Variants in DNAH6 observed in about 807,000 individuals in gnomAD.
DNAH6 encodes axonemal beta dynein heavy chain 6.
Under a neutral mutation model 491.4 loss-of-function variants are expected in DNAH6, and 340 were observed. That is an observed-to-expected ratio of 0.69 (90% CI 0.63 to 0.76). The LOEUF (loss-of-function observed/expected upper bound fraction) is 0.76, where lower values mean the gene tolerates loss of function less well. Ranked by LOEUF, DNAH6 falls within the 30% of genes least tolerant of loss-of-function variation. The pLI, the probability that DNAH6 is intolerant of heterozygous loss-of-function variation, is 0.00. For synonymous variants in DNAH6, 1,603 were observed against 1,686.1 expected (o/e 0.95, Z 1.21); for missense variants, 4,443 against 4,972.2 (o/e 0.89, Z 3.20).
intron 37 of DNAH6, among the ~76,000 whole-genome samples, chr2:84,665,611 G>A (rs1206757087): frequency 1.3e-5 from 2 of 152,062 alleles, no homozygotes; most frequent in Non-Finnish European, 2.9e-5. Context: ...ATAATTAATA[G>A]CCTACCAACG....
the DNAH6 span, among the ~76,000 whole-genome samples, chr2:84,492,049 C>T: frequency 2.6e-5 from 4 of 152,148 alleles, no homozygotes; most frequent in African/African-American, 9.7e-5. Context: ...GCTTGGGTAA[C>T]CAGCTCATCC....
chr2:84,547,490 A>C lies in DNAH6; in HGVS notation c.1066-2A>C. On this transcript the variant is annotated splice_acceptor_variant, in intron 6 of 76. Coordinates refer to ENST00000389394, the MANE Select transcript of DNAH6 (RefSeq NM_001370.2). LOFTEE classifies it high-confidence loss of function. ...TAACTGTACATATTCAACAATATCT[A>C]GGTGACAGAACGCCTAGGAGAATTT... 1 of 1,551,676 alleles carries C rather than the reference A, an allele frequency of 6.4e-7. No homozygotes were observed. The highest frequency in any genetic ancestry group is 1.2e-5 in the South Asian group (1 of 84,060).
chr2:84,556,293 C>G (rs1486422308), intron 10 of DNAH6, among the ~76,000 whole-genome samples: 1 of 152,182 alleles, frequency 6.6e-6, no homozygotes, highest in East Asian at 1.9e-4. Flanking sequence ...TTGGGTATTG[C>G]TGGCCTATGG....
At chr2:84,580,389 G>C (rs1279172898) in intron 14 of DNAH6, among the ~76,000 whole-genome samples, 3 of 151,416 alleles carry the variant, frequency 2.0e-5, no homozygotes, top group Non-Finnish European at 2.9e-5. Flanking sequence ...CCGGAAACTT[G>C]GTTTCCTCCT....
chr2:84,705,667 A>C lies in DNAH6; in HGVS notation c.8647A>C (p.Met2883Leu), dbSNP rs547908714. 6.4e-7 allele frequency: 1 copy of C among 1,551,658 alleles called. No individual in the cohort carries two copies. Among genetic ancestry groups the C allele is most frequent in the African/African-American group, 1.4e-5 (1 of 73,040 alleles). ...GTCCAAAGCATGTAAATCTATGTGC[A>C]TGTGGGTAAGAGCTATGGATTTGTA... The part of the protein sequence containing the change: ...KVSKACKSMC[M>L]WVRAMDLYSR... Residue 2883 changes from methionine to leucine, a missense_variant, in exon 52 of 77, where the codon ATG (methionine) becomes CTG (leucine). By Grantham distance (15) the Met-to-Leu change is conservative. Transcript: ENST00000389394.
At chr2:84,796,056 G>A (rs1236513843) in intron 68 of DNAH6, among the ~76,000 whole-genome samples, 1 of 152,154 alleles carries the variant, frequency 6.6e-6, no homozygotes, top group Non-Finnish European at 1.5e-5. Context: ...ATAGAGCTCA[G>A]TGGCTTTAGT....
intron 66 of DNAH6, among the ~76,000 whole-genome samples, chr2:84,785,236 C>G (rs1046517336): frequency 6.6e-6 from 1 of 152,178 alleles, no homozygotes; most frequent in Admixed American, 6.5e-5. Context: ...CTCCCTGTCC[C>G]ACGTCATGGG....
the DNAH6 span, among the ~76,000 whole-genome samples, chr2:84,468,223 T>G: frequency 5.5e-3 from 839 of 151,980 alleles, 9 homozygotes; most frequent in African/African-American, 0.019. Context: ...TTAATTAGAG[T>G]TTTTTTATAT....
chr2:84,498,468 C>CT, the DNAH6 span, among the ~76,000 whole-genome samples: 61 of 150,100 alleles, frequency 4.1e-4, no homozygotes, highest in Non-Finnish European at 7.5e-4. Flanking sequence ...AAATCTAAAG[C>CT]TTTTTTTGTT....
rs572776022 is a variant in DNAH6 at position 84,736,543 on chromosome 2, A to G, written c.10342+2964A>G. Reference sequence around the variant, plus strand: ...GGCAATGTTTTGTAGTTACTCTTATAGAGATTTTTCACTTCCTTGGTTAGA... The same window carrying G: ...GGCAATGTTTTGTAGTTACTCTTATGGAGATTTTTCACTTCCTTGGTTAGA... On this transcript the variant is annotated intron_variant, in intron 62 of 76. Transcript: ENST00000389394. Among the ~76,000 whole-genome samples the G allele has an allele frequency of 7.2e-5, 11 of 152,164 alleles. No homozygotes were observed. The East Asian group carries it at 2.1e-3, about 29-fold the overall frequency.
chr2:84,764,339 T>A (rs1674869849), intron 64 of DNAH6, among the ~76,000 whole-genome samples: 5 of 152,014 alleles, frequency 3.3e-5, no homozygotes, highest in Admixed American at 3.3e-4. Context: ...AACAGAATTA[T>A]CAGAAAAGGA....
chr2:84,548,845 C>G (rs1440489204), intron 8 of DNAH6, among the ~76,000 whole-genome samples: 1 of 152,224 alleles, frequency 6.6e-6, no homozygotes, highest in Non-Finnish European at 1.5e-5. Flanking sequence ...CCTTCTGGCC[C>G]AGCCTGGGCA....
At chr2:84,789,427 A>C (rs912029615) in intron 68 of DNAH6, among the ~76,000 whole-genome samples, 2 of 152,366 alleles carry the variant, frequency 1.3e-5, no homozygotes, top group Admixed American at 6.5e-5. Context: ...AAGCAAGTGC[A>C]GTCAAGATCC....
At chr2:84,490,925 G>C in the DNAH6 span, among the ~76,000 whole-genome samples, 8 of 152,294 alleles carry the variant, frequency 5.3e-5, no homozygotes, top group African/African-American at 1.9e-4. Context: ...ATTCATCCAA[G>C]TTGTTGCATA....
chr2:84,533,169 C>T (rs1265889350), intron 4 of DNAH6, among the ~76,000 whole-genome samples: 1 of 152,074 alleles, frequency 6.6e-6, no homozygotes, highest in Non-Finnish European at 1.5e-5. Context: ...TGCTCAGAGA[C>T]AACATTCACA....
intron 32 of DNAH6, 75 bp downstream of exon 32, chr2:84,640,653 G>C: frequency 7.2e-7 from 1 of 1,388,194 alleles, no homozygotes; most frequent in Non-Finnish European, 9.7e-7. Context: ...ACTCAGGAAA[G>C]GCTCTCAGAG....
intron 56 of DNAH6, among the ~76,000 whole-genome samples, chr2:84,711,746 G>A (rs933058685): frequency 1.3e-4 from 20 of 152,338 alleles, no homozygotes; most frequent in Middle Eastern, 6.8e-3. Context: ...GCCACAAAGA[G>A]CACAAGGGAC....
intron 40 of DNAH6, among the ~76,000 whole-genome samples, chr2:84,675,398 G>A (rs138937238): frequency 4.1e-4 from 63 of 152,278 alleles, no homozygotes; most frequent in African/African-American, 1.4e-3. Flanking sequence ...GGGATCAAGA[G>A]TGCCTTCCTC....
At chr2:84,643,420 A>G (rs946455563) in intron 33 of DNAH6, among the ~76,000 whole-genome samples, 1 of 151,976 alleles carries the variant, frequency 6.6e-6, no homozygotes, top group African/African-American at 2.4e-5. Context: ...TGTGACATTA[A>G]TTTGGGGAAA....
Sources: allele counts gnomAD v4.1 joint callset (sites outside exome capture counted in the v4.1 genomes callset), GRCh38; gene constraint gnomAD v4.1.1; transcripts MANE v1.5; gene names NCBI Gene and HGNC (gene_info 2026-07-23, HGNC 2026-07-21).